The following AGBL3 variants were observed in gnomAD, a reference collection of about 807,000 sequenced individuals.
The protein encoded by AGBL3 is cytosolic carboxypeptidase 3.
In AGBL3, 68 loss-of-function variants were observed where a neutral mutation model predicts 94.5. The ratio of observed to expected loss-of-function variants is 0.72; its 90% CI spans 0.59 to 0.88. The LOEUF (loss-of-function observed/expected upper bound fraction) is 0.88, where lower values mean the gene tolerates loss of function less well. AGBL3 is among the 40% of genes least tolerant of loss of function. The probability of loss-of-function intolerance (pLI) is 0.00; values close to 1 mark genes in which losing one functional copy is unlikely to be tolerated. For missense variants in AGBL3, 934 were observed against 1,103.8 expected, an observed-to-expected ratio of 0.85 and a Z score of 2.18; for synonymous variants, 354 against 370.7, an observed-to-expected ratio of 0.95 and a Z score of 0.52.
chr7:135,044,300 C>T (rs1273731715), intron 9 of AGBL3, 149 bp downstream of exon 9: 18 of 833,928 alleles, frequency 2.2e-5, no homozygotes, highest in Admixed American at 8.5e-5. Context: ...GATGAATAAA[C>T]TCTCAAAATA....
intron 16 of AGBL3, among the ~76,000 whole-genome samples, chr7:135,124,174 G>A (rs953329401): frequency 4.0e-5 from 6 of 151,074 alleles, no homozygotes; most frequent in Non-Finnish European, 7.4e-5. Context: ...ACACACATAG[G>A]CTCAAAATAA....
At chr7:135,063,531 GA>G (rs1206106120) in intron 12 of AGBL3, among the ~76,000 whole-genome samples, 1 of 151,600 alleles carries the variant, frequency 6.6e-6, no homozygotes, top group Non-Finnish European at 1.5e-5. Flanking sequence ...TTCCCTCTTA[GA>G]ACTGCTTTTG....
At chr7:135,076,711 G>T (rs532784930) in intron 13 of AGBL3, among the ~76,000 whole-genome samples, 7 of 152,190 alleles carry the variant, frequency 4.6e-5, no homozygotes, top group Non-Finnish European at 8.8e-5. Flanking sequence ...ATTTGAGGAA[G>T]CTTACAAAGA....
At chr7:135,033,849 T>C (rs1189051095) in intron 6 of AGBL3, among the ~76,000 whole-genome samples, 5 of 152,194 alleles carry the variant, frequency 3.3e-5, no homozygotes, top group African/African-American at 1.2e-4. Context: ...ATTTCTTATA[T>C]AGAAAACATA....
intron 5 of AGBL3, among the ~76,000 whole-genome samples, chr7:135,018,730 G>A (rs1814091102): frequency 6.6e-6 from 1 of 152,158 alleles, no homozygotes; most frequent in African/African-American, 2.4e-5. Flanking sequence ...TAGGTAAGAT[G>A]TAATTTAAAT....
rs185085347 is a variant in AGBL3, at chr7:135,124,159, C to T, written c.2342+8548C>T. ...GCATCCAGGAGACCTGTCTTATGTG[C>T]AAAGACACACATAGGCTCAAAATAA... On this transcript the variant is annotated intron_variant, in intron 16 of 16. Coordinates refer to ENST00000436302, the MANE Select transcript of AGBL3 (RefSeq NM_178563.4). Among the ~76,000 whole-genome samples, 23 of 149,382 alleles carry T rather than the reference C, an allele frequency of 1.5e-4. No individual in the cohort carries two copies. In the East Asian group the frequency reaches 3.9e-3, roughly 25 times the overall value.
At chr7:135,086,761 A>G (rs73153757) in intron 15 of AGBL3, among the ~76,000 whole-genome samples, 18,116 of 151,544 alleles carry the variant, frequency 0.12, 1,191 homozygotes, top group East Asian at 0.19. Flanking sequence ...TTTTTTGAGG[A>G]CTTTTACGTC....
chr7:134,992,212 T>G (rs1810374692), intron 3 of AGBL3, among the ~76,000 whole-genome samples: 1 of 152,230 alleles, frequency 6.6e-6, no homozygotes, highest in African/African-American at 2.4e-5. Flanking sequence ...GCAGTTGTTT[T>G]GCTTGTGGAT....
chr7:135,009,944 T>G, intron 4 of AGBL3: 1 of 396,356 alleles, frequency 2.5e-6, no homozygotes, highest in Non-Finnish European at 4.9e-6. Context: ...CCCTGCAACC[T>G]CTTCTATGGT....
intron 4 of AGBL3, among the ~76,000 whole-genome samples, chr7:134,994,508 T>C (rs1180293292): frequency 1.3e-5 from 2 of 152,200 alleles, no homozygotes; most frequent in South Asian, 2.1e-4. Context: ...TTGTTCATCA[T>C]CTTTTCACTG....
At chr7:135,127,749 T>C (rs544858289) in intron 16 of AGBL3, among the ~76,000 whole-genome samples, 1 of 152,174 alleles carries the variant, frequency 6.6e-6, no homozygotes, top group African/African-American at 2.4e-5. Context: ...AGTTCAACCA[T>C]TGTGGAAGAC....
intron 4 of AGBL3, chr7:135,010,339 T>C (rs1175375063): frequency 4.6e-6 from 1 of 216,640 alleles, no homozygotes; most frequent in African/African-American, 2.4e-5. Flanking sequence ...CTGTATCTCT[T>C]AGCTGACATT....
At chr7:135,089,944 G>A (rs1821637966) in intron 15 of AGBL3, among the ~76,000 whole-genome samples, 2 of 152,168 alleles carry the variant, frequency 1.3e-5, no homozygotes, top group Non-Finnish European at 1.5e-5. Flanking sequence ...AGAGTTGGAT[G>A]TAGGTTCCTC....
chr7:135,095,556 C>G (rs1375608227), intron 15 of AGBL3, among the ~76,000 whole-genome samples: 1 of 152,158 alleles, frequency 6.6e-6, no homozygotes, highest in African/African-American at 2.4e-5. Flanking sequence ...TACCCACTGT[C>G]CTGTGACCAA....
At chr7:135,007,222 C>G (rs1263012627) in intron 4 of AGBL3, among the ~76,000 whole-genome samples, 1 of 151,800 alleles carries the variant, frequency 6.6e-6, no homozygotes, top group Non-Finnish European at 1.5e-5. Flanking sequence ...GATAACAAAA[C>G]CACAAAAGAC....
At chr7:135,033,296 T>A (rs1815967402) in intron 6 of AGBL3, among the ~76,000 whole-genome samples, 1 of 152,184 alleles carries the variant, frequency 6.6e-6, no homozygotes, top group South Asian at 2.1e-4. Flanking sequence ...CCATAGAATA[T>A]CCCAAGGGCA....
At chr7:135,038,823 G>C (rs1167931521) in intron 8 of AGBL3, among the ~76,000 whole-genome samples, 1 of 152,146 alleles carries the variant, frequency 6.6e-6, no homozygotes, top group Non-Finnish European at 1.5e-5. Context: ...GCTGGGCTTG[G>C]TGGCAGGTGC....
chr7:135,004,616 C>A (rs1350915288), intron 4 of AGBL3, among the ~76,000 whole-genome samples: 2 of 82,690 alleles, frequency 2.4e-5, no homozygotes, highest in Non-Finnish European at 5.4e-5. Flanking sequence ...ATATTCTGTT[C>A]CAGGGACAGT....
At chr7:135,001,786 T>G (rs1811747983) in intron 4 of AGBL3, among the ~76,000 whole-genome samples, 1 of 152,224 alleles carries the variant, frequency 6.6e-6, no homozygotes, top group African/African-American at 2.4e-5. Flanking sequence ...CTTGGCCCAG[T>G]GTCAGGATTT....
Sources: gnomAD v4.1 joint callset for allele counts (sites outside exome capture counted in the v4.1 genomes callset) on GRCh38, gnomAD v4.1.1 for gene constraint, MANE v1.5 for transcripts, NCBI Gene and HGNC (gene_info 2026-07-23, HGNC 2026-07-21) for gene names.